Variants in AGBL1 observed in about 807,000 individuals in gnomAD.
The protein encoded by AGBL1 is AGBL carboxypeptidase 1.
AGBL1 carries 130 observed loss-of-function variants against 118.9 expected under a neutral mutation model. The observed-to-expected ratio is 1.09, with a 90% confidence interval of 0.95 to 1.26. The LOEUF (loss-of-function observed/expected upper bound fraction) is 1.26, where lower values mean the gene tolerates loss of function less well. AGBL1 is among the 50% of genes most tolerant of loss of function. The pLI is 0.00. For synonymous variants in AGBL1, 555 were observed against 478.9 expected, an observed-to-expected ratio of 1.16 and a Z score of -2.08; for missense variants, 1,584 against 1,298.1, an observed-to-expected ratio of 1.22 and a Z score of -3.38.
In AGBL1 at chr15:86,382,723, C is replaced by T. The variant is rs967121648; in HGVS notation, c.2375-14643C>T. Among the ~76,000 whole-genome samples, 12 of 151,528 alleles carry T rather than the reference C, an allele frequency of 7.9e-5. 1 individual carries two copies. Among genetic ancestry groups the T allele is most frequent in the African/African-American group, 2.9e-4 (12 of 41,224 alleles). ...TTTTCTCTGATTTCTTTCCTTCCTC[C>T]CTCCTTCCATTTCCTACCAGAAACC... On this transcript the variant is annotated intron_variant, in intron 17 of 22. Transcript: ENST00000614907.
At chr15:86,211,928 G>A (rs559184149) in intron 5 of AGBL1, among the ~76,000 whole-genome samples, 60 of 152,272 alleles carry the variant, frequency 3.9e-4, no homozygotes, top group Non-Finnish European at 5.4e-4. Context: ...TGTTGTTCAC[G>A]CTGGGAACTG....
intron 16 of AGBL1, among the ~76,000 whole-genome samples, chr15:86,284,375 C>G (rs1381679774): frequency 6.6e-6 from 1 of 152,054 alleles, no homozygotes; most frequent in Admixed American, 6.6e-5. Context: ...ATTGACAAAT[C>G]TGTGAGTAGA....
At chr15:86,779,388 A>G (rs1032692534) in intron 22 of AGBL1, among the ~76,000 whole-genome samples, 1 of 152,224 alleles carries the variant, frequency 6.6e-6, no homozygotes, top group Non-Finnish European at 1.5e-5. Context: ...AGAGGCCCAC[A>G]TGCACTAAGA....
chr15:86,670,901 A>T (rs183036091), intron 21 of AGBL1, among the ~76,000 whole-genome samples: 1 of 151,894 alleles, frequency 6.6e-6, no homozygotes, highest in South Asian at 2.1e-4. Flanking sequence ...GTGAGTTATC[A>T]AGAAAAGTTG....
intron 17 of AGBL1, among the ~76,000 whole-genome samples, chr15:86,318,483 T>C (rs1156648752): frequency 6.6e-6 from 1 of 152,110 alleles, no homozygotes; most frequent in Non-Finnish European, 1.5e-5. Context: ...ATATATCTTT[T>C]ACTCAATGTT....
Position 86,848,096 on chromosome 15 carries a change from C to G in AGBL1, c.3159-58991C>G, listed in dbSNP as rs575533005. ...TTTTCAGTGAAGCTTCTGTTTTTCACAGACTGGACCCACTCTGTTAGAACT... is the reference window on the plus strand; with the variant it reads ...TTTTCAGTGAAGCTTCTGTTTTTCAGAGACTGGACCCACTCTGTTAGAACT... On this transcript the variant is annotated intron_variant, in intron 22 of 22. Coordinates refer to ENST00000614907, the MANE Select transcript of AGBL1 (RefSeq NM_001386094.1). Among the ~76,000 whole-genome samples, 3 of 152,178 alleles carry G rather than the reference C, an allele frequency of 2.0e-5. No homozygotes were observed. In the South Asian group the frequency reaches 6.2e-4, roughly 32 times the overall value.
intron 6 of AGBL1, among the ~76,000 whole-genome samples, chr15:86,232,749 A>G (rs2078476825): frequency 6.6e-6 from 1 of 152,098 alleles, no homozygotes; most frequent in Non-Finnish European, 1.5e-5. Flanking sequence ...TCGCTCTTTG[A>G]TAACCTGTTA....
intron 22 of AGBL1, among the ~76,000 whole-genome samples, chr15:86,831,302 A>G (rs1017804787): frequency 2.6e-5 from 4 of 152,180 alleles, no homozygotes; most frequent in African/African-American, 7.2e-5. Context: ...TTCAAAACCA[A>G]TGATGCCTTC....
chr15:86,548,411 G>A (rs978324954), intron 20 of AGBL1, among the ~76,000 whole-genome samples: 3 of 152,126 alleles, frequency 2.0e-5, no homozygotes, highest in Non-Finnish European at 4.4e-5. Flanking sequence ...AGAGGTCAGT[G>A]AATCCTCTCT....
chr15:87,015,922 G>A (rs115559818), intron 24 of AGBL1, among the ~76,000 whole-genome samples: 1,842 of 152,210 alleles, frequency 0.012, 32 homozygotes, highest in African/African-American at 0.039. Flanking sequence ...AGAGTAGAGC[G>A]TGGGAAGTTT....
At chr15:86,987,209 T>C (rs756350741) in intron 23 of AGBL1, among the ~76,000 whole-genome samples, 25 of 152,196 alleles carry the variant, frequency 1.6e-4, no homozygotes, top group Non-Finnish European at 2.6e-4. Flanking sequence ...GATGTATAGG[T>C]GCAGGTCACA....
At chr15:86,806,240 G>A (rs1256798066) in intron 22 of AGBL1, among the ~76,000 whole-genome samples, 2 of 152,046 alleles carry the variant, frequency 1.3e-5, no homozygotes, top group Non-Finnish European at 1.5e-5. Flanking sequence ...AGATCAATGG[G>A]GTCAAGATGG....
intron 18 of AGBL1, among the ~76,000 whole-genome samples, chr15:86,410,929 ATAAC>A (rs2081610462): frequency 1.1e-5 from 1 of 87,124 alleles, no homozygotes; most frequent in Admixed American, 1.5e-4. Flanking sequence ...TATAATATAT[ATAAC>A]ATATATTATA....
At chr15:86,310,728 C>G (rs1010352957) in intron 17 of AGBL1, among the ~76,000 whole-genome samples, 14 of 152,106 alleles carry the variant, frequency 9.2e-5, no homozygotes, top group African/African-American at 3.4e-4. Context: ...AGCCTGGGGC[C>G]ACAGAAGCTG....
At chr15:86,510,111 T>A (rs2083036316) in intron 18 of AGBL1, among the ~76,000 whole-genome samples, 1 of 152,080 alleles carries the variant, frequency 6.6e-6, no homozygotes, top group Admixed American at 6.6e-5. Context: ...ATGGGATAAA[T>A]GTTTCCTAGC....
At chr15:86,382,658 CAATAAT>C (rs899070008) in intron 17 of AGBL1, among the ~76,000 whole-genome samples, 1 of 151,856 alleles carries the variant, frequency 6.6e-6, no homozygotes, top group Non-Finnish European at 1.5e-5. Context: ...GCAACAGTAA[CAATAAT>C]AATAATAATT....
chr15:86,827,937 G>GTTTTTTTTTTTTTTTTTTTTTTT (rs71460225), intron 22 of AGBL1, among the ~76,000 whole-genome samples: 8 of 7,798 alleles, frequency 1.0e-3, no homozygotes, highest in Non-Finnish European at 1.3e-3. Context: ...TTGATGTAGG[G>GTTTTTTTTTTTTTTTTTTTTTTT]CTTTTTTTTT....
At chr15:86,674,736 A>G (rs1453797610) in intron 22 of AGBL1, among the ~76,000 whole-genome samples, 5 of 152,206 alleles carry the variant, frequency 3.3e-5, no homozygotes, top group African/African-American at 4.8e-5. Context: ...ACTTATATTT[A>G]CCAGTTATGT....
At chr15:86,196,497 G>C (rs1377284285) in intron 5 of AGBL1, among the ~76,000 whole-genome samples, 3 of 152,132 alleles carry the variant, frequency 2.0e-5, no homozygotes, top group African/African-American at 7.2e-5. Context: ...TTGGGTATTA[G>C]CCTTATTCCT....
Sources: allele counts gnomAD v4.1 joint callset (sites outside exome capture counted in the v4.1 genomes callset), GRCh38; gene constraint gnomAD v4.1.1; transcripts MANE v1.5; gene names NCBI Gene and HGNC (gene_info 2026-07-23, HGNC 2026-07-21).